Variants in CDS1 observed in about 807,000 individuals in gnomAD.
CDS1 encodes the protein CDP-diacylglycerol synthase 1, also known as phosphatidate cytidylyltransferase 1.
Under a neutral mutation model 62.1 loss-of-function variants are expected in CDS1, and 41 were observed. The observed-to-expected ratio is 0.66, with a 90% CI of 0.51 to 0.86. The LOEUF is 0.86. Among genes scored for constraint, CDS1 ranks in the 40% least tolerant of loss-of-function variants. The probability of loss-of-function intolerance (pLI) is 0.00; values close to 1 mark genes in which losing one functional copy is unlikely to be tolerated. For synonymous variants in CDS1, 185 were observed against 192.6 expected (o/e 0.96, Z 0.32); for missense variants, 470 against 550.1 (o/e 0.85, Z 1.46).
chr4:84,599,405 CATATATAT>C (rs59313355), intron 1 of CDS1, among the ~76,000 whole-genome samples: 178 of 24,622 alleles, frequency 7.2e-3, no homozygotes, highest in Middle Eastern at 0.026. Context: ...CACACACACA[CATATATAT>C]ATATATATAT....
chr4:84,614,671 T>A (rs1169387696), intron 3 of CDS1, among the ~76,000 whole-genome samples: 2 of 152,200 alleles, frequency 1.3e-5, no homozygotes, highest in Non-Finnish European at 1.5e-5. Flanking sequence ...TTGTCAAAGT[T>A]AAATAACAAT....
rs1724155147 is a variant in CDS1, at chr4:84,635,482, G to A, written c.810+131G>A. The A allele has an allele frequency of 1.6e-5, 11 of 695,572 alleles. 1 individual carries two copies. The South Asian group carries it at 1.7e-4, about 11-fold the overall frequency. 43.1% of individuals were successfully genotyped at this position (695,572 alleles called of 1,614,324 possible). A position where few individuals can be genotyped will look rare whatever the true frequency, so the allele number is the denominator to read the frequency against. ...CTTTGATTTTCCTTAGCTGCATGGT[G>A]CAGAAGCAGCAAACCATATTTCTCA... On this transcript the variant is annotated intron_variant, in intron 8 of 12. Transcript: ENST00000295887.
At chr4:84,595,854 A>T (rs1217228313) in intron 1 of CDS1, among the ~76,000 whole-genome samples, 1 of 152,240 alleles carries the variant, frequency 6.6e-6, no homozygotes, top group African/African-American at 2.4e-5. Flanking sequence ...TTTGGAATTT[A>T]AGACTTACAT....
intron 8 of CDS1, 22 bp downstream of exon 8, chr4:84,635,373 C>G: frequency 4.6e-6 from 5 of 1,089,894 alleles, no homozygotes; most frequent in Non-Finnish European, 6.9e-6. Context: ...ATTTTATAAG[C>G]AAGCCACTAT....
intron 1 of CDS1, among the ~76,000 whole-genome samples, chr4:84,599,413 T>C (rs1265783258): frequency 7.1e-3 from 113 of 15,834 alleles, no homozygotes; most frequent in African/African-American, 0.021. Context: ...CACATATATA[T>C]ATATATATAT....
chr4:84,639,542 T>A (rs944257954), intron 9 of CDS1, among the ~76,000 whole-genome samples: 2 of 152,228 alleles, frequency 1.3e-5, no homozygotes, highest in African/African-American at 4.8e-5. Flanking sequence ...TACAAATTAG[T>A]TTACAGTTAT....
chr4:84,632,548 A>G (rs566605559), intron 6 of CDS1, among the ~76,000 whole-genome samples: 4 of 152,190 alleles, frequency 2.6e-5, no homozygotes, highest in Non-Finnish European at 5.9e-5. Context: ...ATTCTGCTGA[A>G]CATAATTGCT....
chr4:84,608,382 G>T (rs1723200199), intron 2 of CDS1, among the ~76,000 whole-genome samples: 1 of 152,140 alleles, frequency 6.6e-6, no homozygotes, highest in South Asian at 2.1e-4. Flanking sequence ...CACCGTGTTA[G>T]CCAGGATGGT....
chr4:84,632,660 G>A (rs1385731526), intron 6 of CDS1, among the ~76,000 whole-genome samples: 1 of 152,108 alleles, frequency 6.6e-6, no homozygotes, highest in Non-Finnish European at 1.5e-5. Flanking sequence ...AGTAAAAATA[G>A]TAGAATATCC....
At chr4:84,606,966 T>C (rs1484239647) in intron 2 of CDS1, among the ~76,000 whole-genome samples, 2 of 152,244 alleles carry the variant, frequency 1.3e-5, no homozygotes, top group African/African-American at 2.4e-5. Flanking sequence ...CAAACAGTTA[T>C]ATCTGTACAA....
At chr4:84,620,219 G>GT (rs1209622035) in intron 5 of CDS1, among the ~76,000 whole-genome samples, 4,515 of 110,326 alleles carry the variant, frequency 0.041, 396 homozygotes, top group African/African-American at 0.14. Context: ...GTAATTAGTT[G>GT]TTTTTTTTTT....
At chr4:84,626,863 G>C (rs563998521) in intron 5 of CDS1, among the ~76,000 whole-genome samples, 1 of 152,282 alleles carries the variant, frequency 6.6e-6, no homozygotes, top group East Asian at 1.9e-4. Context: ...CACACACAGT[G>C]CTTCTTAATG....
At chr4:84,637,477 CTT>C (rs1724248737) in intron 8 of CDS1, among the ~76,000 whole-genome samples, 2 of 152,074 alleles carry the variant, frequency 1.3e-5, no homozygotes, top group Admixed American at 1.3e-4. Flanking sequence ...GTGCCACAGA[CTT>C]TTCAACAACC....
chr4:84,632,042 A>T (rs577144873), intron 6 of CDS1, among the ~76,000 whole-genome samples, 165 bp downstream of exon 6: 12 of 152,276 alleles, frequency 7.9e-5, no homozygotes, highest in Admixed American at 6.5e-4. Context: ...ATTAAAGTTG[A>T]GAAGTTTGTG....
intron 3 of CDS1, among the ~76,000 whole-genome samples, chr4:84,610,524 A>C (rs1578030496): frequency 6.6e-6 from 1 of 152,178 alleles, no homozygotes; most frequent in Non-Finnish European, 1.5e-5. Context: ...GATGCCTGCT[A>C]TATGCCAGGC....
intron 5 of CDS1, 79 bp downstream of exon 5, chr4:84,619,612 G>A (rs1723612041): frequency 4.6e-6 from 4 of 874,934 alleles, no homozygotes; most frequent in Non-Finnish European, 6.5e-6. Flanking sequence ...ATTTTAATTA[G>A]TAATTTTTTG....
chr4:84,644,312 G>A (rs78181241), intron 11 of CDS1, among the ~76,000 whole-genome samples: 1 of 152,300 alleles, frequency 6.6e-6, no homozygotes, highest in African/African-American at 2.4e-5. Context: ...TCTTGCGAAG[G>A]CTGTAATAGC....
intron 9 of CDS1, among the ~76,000 whole-genome samples, chr4:84,639,706 T>G (rs369021920): frequency 1.3e-5 from 2 of 152,020 alleles, no homozygotes; most frequent in East Asian, 3.9e-4. Flanking sequence ...AAATCTAGAG[T>G]ACCTAGTAAC....
intron 2 of CDS1, among the ~76,000 whole-genome samples, chr4:84,608,528 A>C (rs1723205961): frequency 6.6e-6 from 1 of 152,138 alleles, no homozygotes; most frequent in Non-Finnish European, 1.5e-5. Context: ...CAGTCAATAC[A>C]CTTTGAACAA....
Sources: gnomAD v4.1 joint callset for allele counts (sites outside exome capture counted in the v4.1 genomes callset) on GRCh38, gnomAD v4.1.1 for gene constraint, MANE v1.5 for transcripts, NCBI Gene and HGNC (gene_info 2026-07-23, HGNC 2026-07-21) for gene names.